GFM1: variants seen among roughly 807,000 people sequenced by gnomAD.
GFM1 encodes the protein G elongation factor mitochondrial 1.
Under a neutral mutation model 96.2 loss-of-function variants are expected in GFM1, and 62 were observed. The ratio of observed to expected loss-of-function variants is 0.64; its 90% CI spans 0.53 to 0.80. The LOEUF (loss-of-function observed/expected upper bound fraction) is 0.80, where lower values mean the gene tolerates loss of function less well. GFM1 is among the 30% of genes least tolerant of loss of function. The pLI, the probability that GFM1 is intolerant of heterozygous loss-of-function variation, is 0.00. For synonymous variants in GFM1, 282 were observed against 312.9 expected (o/e 0.90, Z 1.04); for missense variants, 852 against 916.6 (o/e 0.93, Z 0.91).
In GFM1 at chr3:158,665,298, C is replaced by T. The variant is rs116646562; in HGVS notation, c.1381-39C>T. Reference sequence around the variant, plus strand: ...TTCTAAAATCCCATTGCTTATCATGCTCAGTAAAACATATAGTGACTTTCT... The same window carrying T: ...TTCTAAAATCCCATTGCTTATCATGTTCAGTAAAACATATAGTGACTTTCT... On this transcript the variant is annotated intron_variant, in intron 11 of 17. Coordinates refer to ENST00000486715, the MANE Select transcript of GFM1 (RefSeq NM_024996.7). The T allele has an allele frequency of 6.4e-4, 980 of 1,521,336 alleles. 5 individuals carry two copies. In the African/African-American group the frequency reaches 0.012, roughly 18 times the overall value. The allele number at this position is 1,521,336 out of a possible 1,614,324, so 94.2% of individuals were successfully genotyped here.
At chr3:158,668,575 T>G (rs892919824) in intron 13 of GFM1, among the ~76,000 whole-genome samples, 1 of 152,188 alleles carries the variant, frequency 6.6e-6, no homozygotes, top group African/African-American at 2.4e-5. Flanking sequence ...CCCGAAAGAT[T>G]AAGAGCTATG....
rs1725424733 is a variant in GFM1 at position 158,682,016 on chromosome 3, A to AG, written c.1623_1624insG (p.Gln542AlafsTer25). On this transcript the variant is annotated frameshift_variant, in exon 14 of 18. Coordinates refer to ENST00000486715, the MANE Select transcript of GFM1 (RefSeq NM_024996.7). LOFTEE classifies it high-confidence loss of function. The stretch of plus-strand genomic sequence containing the variant: ...TCAGGTTTGACTTTACACATAAAAA[A>AG]CAATCAGGTGGTGCAGGCCAGTATG... The AG allele has an allele frequency of 1.2e-6, 2 of 1,613,650 alleles. No homozygotes were observed. Among genetic ancestry groups the AG allele is most frequent in the Non-Finnish European group, 1.7e-6 (2 of 1,179,780 alleles).
At chr3:158,659,782 A>C (rs1723046980) in intron 9 of GFM1, among the ~76,000 whole-genome samples, 1 of 152,170 alleles carries the variant, frequency 6.6e-6, no homozygotes, top group Non-Finnish European at 1.5e-5. Context: ...AATCTTAACG[A>C]ATTTTTTGGT....
Position 158,653,392 on chromosome 3 carries a change from C to T in GFM1, c.923C>T (p.Pro308Leu), listed in dbSNP as rs140063324. Residue 308 changes from proline to leucine, a missense_variant, in exon 7 of 18, where the codon CCT (proline) becomes CTT (leucine). By Grantham distance (98) the Pro-to-Leu change is moderately conservative. Transcript: ENST00000486715. ...GSALKNKGVQPLLDAVLEYLP... is the reference protein window; with the variant it reads ...GSALKNKGVQLLLDAVLEYLP... ...GCCTTGAAGAACAAAGGAGTTCAGC[C>T]TCTTTTAGATGCTGTTTTAGAATAC... The T allele has an allele frequency of 1.9e-6, 3 of 1,611,448 alleles. No individual in the cohort carries two copies. The highest frequency in any genetic ancestry group is 2.5e-6 in the Non-Finnish European group (3 of 1,177,648).
rs886058123 is a variant in GFM1, at chr3:158,691,712, A to C, written c.*245A>C. The C allele has an allele frequency of 5.6e-6, 2 of 357,246 alleles. No individual in the cohort carries two copies. The highest frequency in any genetic ancestry group is 6.2e-5 in the South Asian group (2 of 32,158). 22.1% of individuals were successfully genotyped at this position (357,246 alleles called of 1,614,324 possible). ...ATAGTTCATTGAAAATCCTCAAATAAAATATAATTATTACTGAAATATGTT... is the reference window on the plus strand; with the variant it reads ...ATAGTTCATTGAAAATCCTCAAATACAATATAATTATTACTGAAATATGTT... On this transcript the variant is annotated 3_prime_UTR_variant, in exon 18 of 18. Coordinates refer to ENST00000486715, the MANE Select transcript of GFM1 (RefSeq NM_024996.7).
intron 1 of GFM1, among the ~76,000 whole-genome samples, chr3:158,645,315 T>G (rs1429440083): frequency 6.6e-6 from 1 of 152,240 alleles, no homozygotes; most frequent in Non-Finnish European, 1.5e-5. Context: ...AAAGTATTTT[T>G]TGGAGCTGTC....
chr3:158,686,176 TATATATTTATAG>T (rs1307294985), intron 15 of GFM1, among the ~76,000 whole-genome samples: 1 of 148,506 alleles, frequency 6.7e-6, no homozygotes, highest in Non-Finnish European at 1.5e-5. Flanking sequence ...TATATGTGTA[TATATATTTATAG>T]ATGTATTTGT....
intron 13 of GFM1, among the ~76,000 whole-genome samples, chr3:158,668,501 C>G (rs1723939560): frequency 6.6e-6 from 1 of 152,148 alleles, no homozygotes; most frequent in African/African-American, 2.4e-5. Context: ...ATAAAACTCT[C>G]TCAACCTTTT....
At chr3:158,669,208 A>T in intron 13 of GFM1, 4 of 1,429,906 alleles carry the variant, frequency 2.8e-6, no homozygotes, top group Non-Finnish European at 3.8e-6. Flanking sequence ...ATTCTAAATC[A>T]TGTCTTAGTT....
chr3:158,648,678 CAAAAAA>C (rs9331287), intron 4 of GFM1, among the ~76,000 whole-genome samples: 5 of 102,782 alleles, frequency 4.9e-5, no homozygotes, highest in African/African-American at 7.2e-5. Flanking sequence ...ACTCTTGTCT[CAAAAAA>C]AAAAAAAAAA....
At chr3:158,669,616 T>G (rs200884411) in intron 13 of GFM1, 1 of 1,612,792 alleles carries the variant, frequency 6.2e-7, no homozygotes, top group Admixed American at 1.7e-5. Context: ...ACTTGCTGTT[T>G]GAAATTTAGC....
chr3:158,670,651 C>T lies in GFM1; in HGVS notation c.1601+4265C>T, dbSNP rs563436683. Among the ~76,000 whole-genome samples the T allele has an allele frequency of 2.0e-5, 3 of 152,276 alleles. No homozygotes were observed. In the South Asian group the frequency reaches 6.2e-4, roughly 32 times the overall value. ...AAAGAGGTAAAACTAATCAATCTTA[C>T]AGATTTGATCAGCAAAGATGATCTG... On this transcript the variant is annotated intron_variant, in intron 13 of 17. Coordinates refer to ENST00000486715, the MANE Select transcript of GFM1 (RefSeq NM_024996.7).
At position 158,691,582 on chromosome 3, in the gene GFM1, G is replaced by T. The variant is rs991712059; in HGVS notation, c.*115G>T. 86 of 1,178,272 alleles carry T rather than the reference G, an allele frequency of 7.3e-5. 1 individual carries two copies. The Admixed American group carries it at 1.2e-3, about 16-fold the overall frequency. 73.0% of individuals were successfully genotyped at this position (1,178,272 alleles called of 1,614,324 possible). ...AAACAAGAAATTCTGAGCCCAGGAA[G>T]CGGGCTCTTCTTTCTTCAAAAGAAG... On this transcript the variant is annotated 3_prime_UTR_variant, in exon 18 of 18. Transcript: ENST00000486715.
intron 13 of GFM1, chr3:158,669,570 G>A: frequency 1.2e-6 from 2 of 1,614,000 alleles, no homozygotes; most frequent in Non-Finnish European, 1.7e-6. Flanking sequence ...TTGTCCCGTT[G>A]AAGGGTAAAG....
Position 158,693,583 on chromosome 3 carries a change from A to G in GFM1, c.*2116A>G, listed in dbSNP as rs1339451106. On this transcript the variant is annotated 3_prime_UTR_variant, in exon 18 of 18. Transcript: ENST00000486715. ...TCTAAGTCATTAGTTATAGTTGGCA[A>G]AGATCACATACCAACCAAAGTCTGT... is the stretch of plus-strand genomic sequence containing the variant. 2 of 152,232 alleles carry G rather than the reference A, an allele frequency of 1.3e-5. No individual in the cohort carries two copies. The highest frequency in any genetic ancestry group is 2.9e-5 in the Non-Finnish European group (2 of 68,044). 9.4% of individuals were successfully genotyped at this position (152,232 alleles called of 1,614,324 possible). A position where few individuals can be genotyped will look rare whatever the true frequency, so the allele number is the denominator to read the frequency against.
At chr3:158,671,195 CT>C (rs1724265025) in intron 13 of GFM1, among the ~76,000 whole-genome samples, 1 of 152,078 alleles carries the variant, frequency 6.6e-6, no homozygotes, top group Non-Finnish European at 1.5e-5. Context: ...AGCAAGTCCC[CT>C]ATCAAGTTTA....
chr3:158,687,734 C>T (rs1185516096), intron 15 of GFM1, among the ~76,000 whole-genome samples: 1 of 152,104 alleles, frequency 6.6e-6, no homozygotes, highest in Non-Finnish European at 1.5e-5. Flanking sequence ...TCCCAAAGTG[C>T]TGAGATTACA....
At chr3:158,673,508 CTTTTT>C (rs766011688) in intron 13 of GFM1, among the ~76,000 whole-genome samples, 10 of 114,264 alleles carry the variant, frequency 8.8e-5, no homozygotes, top group Non-Finnish European at 1.8e-4. Context: ...CTTTTCTTTT[CTTTTT>C]TTTTTTTTTT....
chr3:158,680,235 T>C (rs1725252967), intron 13 of GFM1, among the ~76,000 whole-genome samples: 1 of 152,190 alleles, frequency 6.6e-6, no homozygotes, highest in South Asian at 2.1e-4. Context: ...TCTGGGCTTT[T>C]AGTGTAATCG....
Sources: allele counts gnomAD v4.1 joint callset (sites outside exome capture counted in the v4.1 genomes callset), GRCh38; gene constraint gnomAD v4.1.1; transcripts MANE v1.5; gene names NCBI Gene and HGNC (gene_info 2026-07-23, HGNC 2026-07-21).